Variants in KCNIP4 observed in about 807,000 individuals in gnomAD.
The protein encoded by KCNIP4 is Kv channel-interacting protein 4.
A neutral mutation model predicts 34.0 loss-of-function variants in KCNIP4; 12 were observed. The ratio of observed to expected loss-of-function variants is 0.35; its 90% CI spans 0.23 to 0.57. KCNIP4 has a LOEUF of 0.57. KCNIP4 is among the 20% of genes least tolerant of loss of function. The probability of loss-of-function intolerance (pLI) is 0.83; values close to 1 mark genes in which losing one functional copy is unlikely to be tolerated. For synonymous variants in KCNIP4, 124 were observed against 102.2 expected (o/e 1.21, Z -1.29); for missense variants, 238 against 311.7 (o/e 0.76, Z 1.78).
intron 1 of KCNIP4, among the ~76,000 whole-genome samples, chr4:21,881,445 G>A (rs1726455776): frequency 6.6e-6 from 1 of 152,080 alleles, no homozygotes; most frequent in African/African-American, 2.4e-5. Flanking sequence ...ATAAACTTAT[G>A]ATGAGTATTT....
At chr4:21,341,219 A>T (rs746941306) in intron 1 of KCNIP4, among the ~76,000 whole-genome samples, 1 of 152,150 alleles carries the variant, frequency 6.6e-6, no homozygotes, top group Non-Finnish European at 1.5e-5. Flanking sequence ...AGCCCTGCAG[A>T]CACCTTTCTT....
At position 21,062,411 on chromosome 4, in the gene KCNIP4, A is replaced by T. The variant is rs75668433; in HGVS notation, c.62-179702T>A. ...GTATTTGGAAATTTTGTGACTATAG[A>T]TGTAATTAGTTAGGATGAGGTCAGA... On this transcript the variant is annotated intron_variant, in intron 1 of 8. Coordinates refer to ENST00000382152, the MANE Select transcript of KCNIP4 (RefSeq NM_025221.6). Among the ~76,000 whole-genome samples, 853 of 152,166 alleles carry T rather than the reference A, an allele frequency of 5.6e-3. 12 individuals are homozygous for T. The highest frequency in any genetic ancestry group is 0.02 in the African/African-American group (819 of 41,540).
At chr4:20,782,608 G>C (rs1291087996) in intron 3 of KCNIP4, among the ~76,000 whole-genome samples, 1 of 152,162 alleles carries the variant, frequency 6.6e-6, no homozygotes, top group African/African-American at 2.4e-5. Flanking sequence ...CACAGCTGGA[G>C]CAGCTGGGAT....
At chr4:21,421,329 A>T (rs1457351802) in intron 1 of KCNIP4, among the ~76,000 whole-genome samples, 1 of 152,206 alleles carries the variant, frequency 6.6e-6, no homozygotes, top group African/African-American at 2.4e-5. Flanking sequence ...TCTCATGTTC[A>T]TGGTAGCATT....
chr4:21,035,485 C>T (rs543103598), intron 1 of KCNIP4, among the ~76,000 whole-genome samples: 118 of 152,252 alleles, frequency 7.8e-4, no homozygotes, highest in African/African-American at 2.7e-3. Flanking sequence ...TAACAATCTT[C>T]GTTTCACAAG....
Position 21,771,789 on chromosome 4 carries a change from C to T in KCNIP4, c.61+176782G>A, listed in dbSNP as rs577780099. ...TGCACAATGATTTTGTATCCTGAAA[C>T]TTTGCTGAAGTTGCTTATCAGCTCA... On this transcript the variant is annotated intron_variant, in intron 1 of 8. Coordinates refer to ENST00000382152, the MANE Select transcript of KCNIP4 (RefSeq NM_025221.6). Among the ~76,000 whole-genome samples the T allele has an allele frequency of 1.7e-4, 26 of 152,298 alleles. 1 individual carries two copies. The South Asian group carries it at 4.6e-3, about 27-fold the overall frequency.
intron 1 of KCNIP4, among the ~76,000 whole-genome samples, chr4:21,897,720 C>A (rs1727477647): frequency 6.6e-6 from 1 of 152,140 alleles, no homozygotes; most frequent in South Asian, 2.1e-4. Context: ...CAACTAGAAG[C>A]CTCCAGTGAT....
chr4:20,812,173 A>T (rs1715854909), intron 3 of KCNIP4, among the ~76,000 whole-genome samples: 1 of 152,198 alleles, frequency 6.6e-6, no homozygotes, highest in Non-Finnish European at 1.5e-5. Flanking sequence ...AGGAAAGGCA[A>T]TTTTTGTGTT....
At chr4:21,617,243 A>G (rs1056325941) in intron 1 of KCNIP4, among the ~76,000 whole-genome samples, 1 of 152,252 alleles carries the variant, frequency 6.6e-6, no homozygotes, top group Non-Finnish European at 1.5e-5. Flanking sequence ...ATAAATCATA[A>G]GAAAGTAAAA....
chr4:21,117,978 T>C (rs1303455663), intron 1 of KCNIP4, among the ~76,000 whole-genome samples: 1 of 152,204 alleles, frequency 6.6e-6, no homozygotes, highest in Non-Finnish European at 1.5e-5. Context: ...TGTTAGTCAC[T>C]GAACTGACAT....
intron 1 of KCNIP4, among the ~76,000 whole-genome samples, chr4:21,905,731 C>A (rs543507127): frequency 6.6e-6 from 1 of 152,156 alleles, no homozygotes; most frequent in Non-Finnish European, 1.5e-5. Flanking sequence ...CTTCTGTGTA[C>A]GCTTCAAAAG....
At chr4:21,575,688 A>C (rs1740698798) in intron 1 of KCNIP4, among the ~76,000 whole-genome samples, 1 of 152,200 alleles carries the variant, frequency 6.6e-6, no homozygotes, top group Non-Finnish European at 1.5e-5. Context: ...AAATATTTAA[A>C]TCACATTTTA....
At chr4:20,746,192 C>T (rs1752381572) in intron 5 of KCNIP4, among the ~76,000 whole-genome samples, 1 of 152,126 alleles carries the variant, frequency 6.6e-6, no homozygotes, top group South Asian at 2.1e-4. Context: ...GAATACTATG[C>T]AGCCATAAAA....
At chr4:21,107,869 G>T (rs1245819130) in intron 1 of KCNIP4, among the ~76,000 whole-genome samples, 16 of 151,244 alleles carry the variant, frequency 1.1e-4, no homozygotes, top group Admixed American at 7.9e-4. Context: ...AGCTTAGTTT[G>T]GCTGGATATG....
chr4:21,533,632 TTAA>T (rs1736901622), intron 1 of KCNIP4, among the ~76,000 whole-genome samples: 1 of 152,170 alleles, frequency 6.6e-6, no homozygotes, highest in Non-Finnish European at 1.5e-5. Context: ...GTATGGATAC[TTAA>T]TAAGGAAAAA....
intron 1 of KCNIP4, among the ~76,000 whole-genome samples, chr4:20,959,912 C>T (rs1733685106): frequency 6.6e-6 from 1 of 152,134 alleles, no homozygotes; most frequent in African/African-American, 2.4e-5. Flanking sequence ...AAGGATTAAA[C>T]AAGATAATAA....
At chr4:20,945,050 T>C in intron 1 of KCNIP4, among the ~76,000 whole-genome samples, 1 of 152,160 alleles carries the variant, frequency 6.6e-6, no homozygotes. Flanking sequence ...TGCCTTTGAA[T>C]CTCAGGAGAT....
rs577123219 is a variant in KCNIP4 at position 21,611,668 on chromosome 4, T to C, written c.61+336903A>G. Among the ~76,000 whole-genome samples the C allele has an allele frequency of 1.2e-4, 19 of 152,228 alleles. No homozygotes were observed. The South Asian group carries it at 3.9e-3, about 32-fold the overall frequency. On this transcript the variant is annotated intron_variant, in intron 1 of 8. Coordinates refer to ENST00000382152, the MANE Select transcript of KCNIP4 (RefSeq NM_025221.6). ...GTTTGTTTGTTTGTTTTTGTTTTTG[T>C]TTTTTTCCTTTCATCATGGCAAGAG...
At chr4:21,168,320 T>G (rs1309863438) in intron 1 of KCNIP4, among the ~76,000 whole-genome samples, 1 of 152,150 alleles carries the variant, frequency 6.6e-6, no homozygotes. Context: ...GAACCACAAG[T>G]TTCAGACTTT....
Sources: allele counts gnomAD v4.1 joint callset (sites outside exome capture counted in the v4.1 genomes callset), GRCh38; gene constraint gnomAD v4.1.1; transcripts MANE v1.5; gene names NCBI Gene and HGNC (gene_info 2026-07-23, HGNC 2026-07-21).